Variants in HORMAD2 observed in about 807,000 individuals in gnomAD.
The protein encoded by HORMAD2 is HORMA domain containing 2, also known as HORMA domain-containing protein 2.
Under a neutral mutation model 38.8 loss-of-function variants are expected in HORMAD2, and 45 were observed. The observed-to-expected ratio is 1.16, with a 90% CI of 0.91 to 1.49. HORMAD2 has a LOEUF of 1.49. Among genes scored for constraint, HORMAD2 ranks in the 40% most tolerant of loss-of-function variants. The probability of loss-of-function intolerance (pLI) is 0.00; values close to 1 mark genes in which losing one functional copy is unlikely to be tolerated. For synonymous variants in HORMAD2, 126 were observed against 122.8 expected, an observed-to-expected ratio of 1.03 and a Z score of -0.17; for missense variants, 338 against 367.0, an observed-to-expected ratio of 0.92 and a Z score of 0.65.
intron 5 of HORMAD2, among the ~76,000 whole-genome samples, chr22:30,107,728 C>T (rs571634317): frequency 2.6e-5 from 4 of 151,076 alleles, no homozygotes; most frequent in East Asian, 2.0e-4. Context: ...CCAGCCTGGG[C>T]GACAGAGCGA....
intron 10 of HORMAD2, among the ~76,000 whole-genome samples, chr22:30,170,184 TGAG>T (rs1926022648): frequency 6.6e-6 from 1 of 152,124 alleles, no homozygotes; most frequent in African/African-American, 2.4e-5. Context: ...TTTATACTGG[TGAG>T]GACTGGTTTT....
At chr22:30,106,548 G>C (rs1289698943) in intron 5 of HORMAD2, among the ~76,000 whole-genome samples, 1 of 152,080 alleles carries the variant, frequency 6.6e-6, no homozygotes, top group Admixed American at 6.6e-5. Flanking sequence ...AGATTGAGAG[G>C]GGGAGACGGC....
the HORMAD2 span, among the ~76,000 whole-genome samples, chr22:30,203,626 A>G: frequency 6.6e-6 from 1 of 152,116 alleles, no homozygotes; most frequent in Non-Finnish European, 1.5e-5. Context: ...ATCCTCACAC[A>G]TGTATACGTG....
chr22:30,150,098 A>G (rs902943391), intron 10 of HORMAD2, among the ~76,000 whole-genome samples: 12 of 151,892 alleles, frequency 7.9e-5, no homozygotes, highest in Non-Finnish European at 1.6e-4. Context: ...AACTTTCTTC[A>G]ATTATTTCCT....
chr22:30,160,775 C>A (rs1462452745), intron 10 of HORMAD2, among the ~76,000 whole-genome samples: 1 of 152,120 alleles, frequency 6.6e-6, no homozygotes, highest in African/African-American at 2.4e-5. Flanking sequence ...GTAGAAAATT[C>A]TGTTAATTAC....
chr22:30,165,511 A>T (rs1925722713), intron 10 of HORMAD2, among the ~76,000 whole-genome samples: 1 of 152,148 alleles, frequency 6.6e-6, no homozygotes, highest in Non-Finnish European at 1.5e-5. Context: ...TGACATCTTA[A>T]CCATATTGTC....
chr22:30,205,937 T>C, the HORMAD2 span, among the ~76,000 whole-genome samples: 2 of 152,164 alleles, frequency 1.3e-5, no homozygotes, highest in African/African-American at 4.8e-5. Context: ...GCCTTTGTCC[T>C]GTGGGACGAA....
intron 10 of HORMAD2, among the ~76,000 whole-genome samples, chr22:30,175,574 A>T (rs1212423257): frequency 6.6e-6 from 1 of 151,996 alleles, no homozygotes; most frequent in African/African-American, 2.4e-5. Context: ...TTCACTAACC[A>T]ACTTCCCTTT....
chr22:30,107,438 T>C (rs2146100428), intron 5 of HORMAD2, among the ~76,000 whole-genome samples: 2 of 152,206 alleles, frequency 1.3e-5, no homozygotes, highest in Admixed American at 1.3e-4. Flanking sequence ...ATCTTGTAGC[T>C]GGTATGATAT....
At chr22:30,133,198 G>A (rs1923406961) in intron 10 of HORMAD2, among the ~76,000 whole-genome samples, 1 of 152,006 alleles carries the variant, frequency 6.6e-6, no homozygotes, top group Non-Finnish European at 1.5e-5. Flanking sequence ...TCAGTTGGCT[G>A]ATTTTCCTAA....
chr22:30,150,443 C>G (rs2146198046), intron 10 of HORMAD2, among the ~76,000 whole-genome samples: 1 of 152,208 alleles, frequency 6.6e-6, no homozygotes. Flanking sequence ...TAGAGTCTTT[C>G]TCTCTGTGTG....
chr22:30,196,560 A>G, the HORMAD2 span, among the ~76,000 whole-genome samples: 2 of 152,184 alleles, frequency 1.3e-5, no homozygotes, highest in Non-Finnish European at 2.9e-5. Context: ...AGCAGCTCAG[A>G]TAATTGCTTT....
intron 10 of HORMAD2, among the ~76,000 whole-genome samples, chr22:30,143,447 C>T (rs1406268390): frequency 6.6e-6 from 1 of 152,002 alleles, no homozygotes; most frequent in Non-Finnish European, 1.5e-5. Context: ...ATAAAGAATT[C>T]TTGGCTGACA....
At chr22:30,079,128 C>A (rs1451749622), upstream of HORMAD2, among the ~76,000 whole-genome samples, 1 of 150,162 alleles carries the variant, frequency 6.7e-6, no homozygotes, top group Non-Finnish European at 1.5e-5. Flanking sequence ...TTTTTTTTTT[C>A]TTTCCTGCAG....
the HORMAD2 span, among the ~76,000 whole-genome samples, chr22:30,190,802 A>G: frequency 1.3e-5 from 2 of 152,244 alleles, no homozygotes; most frequent in African/African-American, 2.4e-5. Context: ...ACACATTTAA[A>G]GAGAGTGAAG....
intron 2 of HORMAD2, among the ~76,000 whole-genome samples, chr22:30,094,447 G>A (rs1409876142): frequency 6.6e-6 from 1 of 152,154 alleles, no homozygotes; most frequent in African/African-American, 2.4e-5. Context: ...AGTTTAGTTT[G>A]TCTCATGACA....
chr22:30,183,683 C>T, the HORMAD2 span, among the ~76,000 whole-genome samples: 69 of 152,300 alleles, frequency 4.5e-4, no homozygotes, highest in African/African-American at 1.5e-3. Context: ...TCAGAACAAT[C>T]GGCTTCCAGT....
At chr22:30,082,461 G>T (rs2068498816) in intron 1 of HORMAD2, among the ~76,000 whole-genome samples, 2 of 151,974 alleles carry the variant, frequency 1.3e-5, no homozygotes. Flanking sequence ...ACATAGTAGG[G>T]GTAAAATAGG....
At chr22:30,087,634 G>A (rs1028269498) in intron 1 of HORMAD2, among the ~76,000 whole-genome samples, 6 of 151,858 alleles carry the variant, frequency 4.0e-5, no homozygotes, top group Non-Finnish European at 7.4e-5. Context: ...TGACTTTTGA[G>A]GAGGCCTCAG....
Sources: allele counts gnomAD v4.1 joint callset (sites outside exome capture counted in the v4.1 genomes callset), GRCh38; gene constraint gnomAD v4.1.1; transcripts MANE v1.5; gene names NCBI Gene and HGNC (gene_info 2026-07-23, HGNC 2026-07-21).